The following SMIM41 variants were observed in gnomAD, a reference collection of about 807,000 sequenced individuals.
SMIM41 encodes small integral membrane protein 41.
chr12:52,096,326 T>G (rs570085960), intron 2 of SMIM41, among the ~76,000 whole-genome samples: 290 of 152,126 alleles, frequency 1.9e-3, no homozygotes, highest in African/African-American at 6.7e-3. Flanking sequence ...AGTAACGTCA[T>G]ACTCCACCCC....
chr12:52,089,428 C>T (rs1053327178), intron 2 of SMIM41, among the ~76,000 whole-genome samples: 2 of 151,948 alleles, frequency 1.3e-5, no homozygotes, highest in Non-Finnish European at 2.9e-5. Context: ...GACCCCCTTC[C>T]CCATCTCTAC....
chr12:52,087,336 G>A (rs939145248), intron 2 of SMIM41, among the ~76,000 whole-genome samples: 21 of 152,144 alleles, frequency 1.4e-4, no homozygotes, highest in African/African-American at 3.4e-4. Flanking sequence ...TGCCGCCTCC[G>A]GTTACTATCC....
At chr12:52,105,350 A>C (rs1444778748) in intron 2 of SMIM41, among the ~76,000 whole-genome samples, 7 of 152,230 alleles carry the variant, frequency 4.6e-5, no homozygotes, top group African/African-American at 1.7e-4. Context: ...GACTTCCTCA[A>C]AGGAGTCATA....
intron 2 of SMIM41, among the ~76,000 whole-genome samples, chr12:52,098,864 C>T (rs1940158243): frequency 2.0e-5 from 3 of 151,946 alleles, no homozygotes; most frequent in Non-Finnish European, 2.9e-5. Context: ...TTAGCCTCTC[C>T]CTCCCAGGGT....
At position 52,079,878 on chromosome 12, in the gene SMIM41, CGCGGTGCAG is replaced by C. The variant is rs1180913913; in HGVS notation, c.106_114del (p.Gln36_Val38del). On this transcript the variant is annotated inframe_deletion, in exon 1 of 3. Transcript: ENST00000546390. ...CGCCGGAGCCCCCCGAGGGGCCGCG[CGCGGTGCAG>C]GCGGTGGTGCTCGGCGTGCTGTCCC... 2.6e-6 allele frequency: 1 copy of C among 390,636 alleles called. No individual in the cohort carries two copies. Among genetic ancestry groups the C allele is most frequent in the Non-Finnish European group, 4.5e-6 (1 of 220,934 alleles). 24.2% of individuals were successfully genotyped at this position (390,636 alleles called of 1,614,324 possible).
At position 52,079,947 on chromosome 12, in the gene SMIM41, C is replaced by T; in HGVS notation, c.168C>T (p.Gly56=). The change falls in exon 1 of 3, where the codon GGC becomes GGT. Residue 56 remains glycine (G), a synonymous_variant. Transcript: ENST00000546390. The part of the protein sequence containing the change: ...LVLCGVLFLG[G]GLLLRAQGLT... ...TTTGCGGGGTCCTGTTCCTGGGCGG[C>T]GGCCTCCTCCTCCGCGCCCAGGGCC... The T allele has an allele frequency of 2.6e-6, 1 of 385,752 alleles. No homozygotes were observed. The highest frequency in any genetic ancestry group is 4.6e-6 in the Non-Finnish European group (1 of 217,726). 23.9% of individuals were successfully genotyped at this position (385,752 alleles called of 1,614,324 possible). A position where few individuals can be genotyped will look rare whatever the true frequency, so the allele number is the denominator to read the frequency against.
chr12:52,100,239 C>G (rs530946777), intron 2 of SMIM41, among the ~76,000 whole-genome samples: 11 of 152,056 alleles, frequency 7.2e-5, no homozygotes, highest in African/African-American at 2.4e-4. Context: ...ATCCTCTCCC[C>G]GCTGGGATAT....
intron 2 of SMIM41, among the ~76,000 whole-genome samples, chr12:52,088,113 G>C (rs956368213): frequency 6.6e-6 from 1 of 152,224 alleles, no homozygotes; most frequent in Non-Finnish European, 1.5e-5. Flanking sequence ...TTGTACATGA[G>C]ACAGAGGGGT....
intron 2 of SMIM41, among the ~76,000 whole-genome samples, chr12:52,100,219 G>A (rs1045752900): frequency 6.6e-6 from 1 of 152,010 alleles, no homozygotes; most frequent in Non-Finnish European, 1.5e-5. Flanking sequence ...TCGATATGGG[G>A]AGTAATATCA....
chr12:52,084,449 C>G (rs1031122304), intron 2 of SMIM41, among the ~76,000 whole-genome samples: 1 of 151,386 alleles, frequency 6.6e-6, no homozygotes, highest in African/African-American at 2.4e-5. Flanking sequence ...CTGAAGAGCT[C>G]ACATTCTAGT....
intron 2 of SMIM41, among the ~76,000 whole-genome samples, chr12:52,096,801 A>T (rs1329414211): frequency 6.6e-6 from 1 of 151,882 alleles, no homozygotes; most frequent in Non-Finnish European, 1.5e-5. Context: ...ATTAATTGCG[A>T]TACGTAATAT....
chr12:52,089,343 C>T (rs1287442451), intron 2 of SMIM41, among the ~76,000 whole-genome samples: 1 of 152,000 alleles, frequency 6.6e-6, no homozygotes, highest in Admixed American at 6.6e-5. Flanking sequence ...ACCCATAATC[C>T]CAGCACTTTG....
In SMIM41 at chr12:52,081,887, G is replaced by A. The variant is rs544036098; in HGVS notation, c.*120+1706G>A. Among the ~76,000 whole-genome samples the A allele has an allele frequency of 1.1e-3, 170 of 152,272 alleles. No homozygotes were observed. Among genetic ancestry groups the A allele is most frequent in the Admixed American group, 2.4e-3 (37 of 15,304 alleles). ...GTTCAGGCCCCCTTCTGGCACTTGG[G>A]GGCCCCTCTCACTCTGTCCTCTTCC... On this transcript the variant is annotated intron_variant, in intron 1 of 2. Coordinates refer to ENST00000546390, the MANE Select transcript of SMIM41 (RefSeq NM_001369216.1). The surrounding 1 kb of genome is among the most constrained non-coding windows in gnomAD (Gnocchi z 4.1).
At chr12:52,080,648 C>T (rs940810924) in intron 1 of SMIM41, among the ~76,000 whole-genome samples, 1 of 152,238 alleles carries the variant, frequency 6.6e-6, no homozygotes, top group African/African-American at 2.4e-5. Flanking sequence ...CAGCACTGCC[C>T]ACTCCACGGG....
At chr12:52,101,014 A>T (rs1177174340) in intron 2 of SMIM41, among the ~76,000 whole-genome samples, 1 of 152,196 alleles carries the variant, frequency 6.6e-6, no homozygotes, top group Non-Finnish European at 1.5e-5. Flanking sequence ...AAAAGGAGTA[A>T]AATCCTCTCC....
At chr12:52,090,183 G>T (rs1939974653) in intron 2 of SMIM41, among the ~76,000 whole-genome samples, 1 of 152,130 alleles carries the variant, frequency 6.6e-6, no homozygotes, top group Admixed American at 6.5e-5. Flanking sequence ...CGATTCTCCT[G>T]CCTCAGCCTC....
At position 52,086,555 on chromosome 12, in the gene SMIM41, G is replaced by A. The variant is rs560368486; in HGVS notation, c.*195+2587G>A. Among the ~76,000 whole-genome samples the A allele has an allele frequency of 2.5e-4, 38 of 152,338 alleles. No individual in the cohort carries two copies. In the South Asian group the frequency reaches 7.0e-3, roughly 28 times the overall value. ...TGCCAGGCTGCCCTTCCCAGCCGCAGCTGACTTCCACGAGGCTTCTGTGAG... is the reference window on the plus strand; with the variant it reads ...TGCCAGGCTGCCCTTCCCAGCCGCAACTGACTTCCACGAGGCTTCTGTGAG... On this transcript the variant is annotated intron_variant, in intron 2 of 2. Transcript: ENST00000546390.
At chr12:52,084,525 G>A (rs975705641) in intron 2 of SMIM41, among the ~76,000 whole-genome samples, 4 of 152,180 alleles carry the variant, frequency 2.6e-5, no homozygotes, top group South Asian at 2.1e-4. Flanking sequence ...TGAAAGAGCC[G>A]AGAGCAGAGA....
At chr12:52,099,081 C>G (rs1303282024) in intron 2 of SMIM41, among the ~76,000 whole-genome samples, 2 of 151,714 alleles carry the variant, frequency 1.3e-5, no homozygotes, top group Non-Finnish European at 2.9e-5. Context: ...GAGTAGTATC[C>G]TCTCTCCCTC....
Sources: allele counts gnomAD v4.1 joint callset (sites outside exome capture counted in the v4.1 genomes callset), GRCh38; gene constraint gnomAD v4.1.1; non-coding constraint Gnocchi (gnomAD v3.1); transcripts MANE v1.5; gene names NCBI Gene and HGNC (gene_info 2026-07-23, HGNC 2026-07-21).